Variants in WNT3A observed in about 807,000 individuals in gnomAD.
The protein encoded by WNT3A is protein Wnt-3a.
WNT3A carries 17 observed loss-of-function variants against 37.0 expected under a neutral mutation model. The ratio of observed to expected loss-of-function variants is 0.46; its 90% confidence interval spans 0.31 to 0.69. WNT3A has a LOEUF of 0.69. Ranked by LOEUF, WNT3A falls within the 30% of genes least tolerant of loss-of-function variation. The pLI, the probability that WNT3A is intolerant of heterozygous loss-of-function variation, is 0.05. For synonymous variants in WNT3A, 187 were observed against 211.0 expected, an observed-to-expected ratio of 0.89 and a Z score of 0.99; for missense variants, 411 against 510.2, an observed-to-expected ratio of 0.81 and a Z score of 1.87.
intron 1 of WNT3A, among the ~76,000 whole-genome samples, chr1:228,009,041 G>C (rs1450816068): frequency 6.6e-6 from 1 of 152,152 alleles, no homozygotes; most frequent in Non-Finnish European, 1.5e-5. Context: ...CAGCCCTTTG[G>C]CCACACAGGG....
chr1:228,046,473 C>T (rs1234180487), intron 2 of WNT3A, among the ~76,000 whole-genome samples: 3 of 141,710 alleles, frequency 2.1e-5, no homozygotes, highest in East Asian at 2.2e-4. Flanking sequence ...TTGCACGAGG[C>T]GTGCATGTGG....
Position 228,022,883 on chromosome 1 carries a change from C to G in WNT3A, c.288C>G (p.Ala96=). ...GCACCACCGTCCACGACAGCCTGGC[C>G]ATCTTCGGGCCCGTGCTGGACAAAG... ...WNCTTVHDSL[A]IFGPVLDKAT... Residue 96 remains alanine, a synonymous_variant, in exon 2 of 4, where the codon GCC becomes GCG. Transcript: ENST00000284523. 1 of 1,611,788 alleles carries G rather than the reference C, an allele frequency of 6.2e-7. No individual in the cohort carries two copies. The highest frequency in any genetic ancestry group is 1.1e-5 in the South Asian group (1 of 90,972).
chr1:228,024,069 C>G (rs528897942), intron 2 of WNT3A, among the ~76,000 whole-genome samples: 1 of 152,218 alleles, frequency 6.6e-6, no homozygotes, highest in African/African-American at 2.4e-5. Context: ...CGCATATGAG[C>G]GTGGTCTCCA....
At position 228,050,895 on chromosome 1, in the gene WNT3A, C is replaced by G; in HGVS notation, c.553C>G (p.Arg185Gly). ...NRPDARSAMN[R>G]HNNEAGRQAI... ...GCCAGATGCCCGCTCAGCCATGAAC[C>G]GCCACAACAACGAGGCTGGGCGCCA... is the stretch of plus-strand genomic sequence containing the variant. The change falls in exon 3 of 4, where the codon CGC becomes GGC. Residue 185 changes from arginine (R) to glycine (G), a missense_variant. Arg to Gly is a moderately radical substitution (Grantham distance 125, BLOSUM62 -2). Coordinates refer to ENST00000284523, the MANE Select transcript of WNT3A (RefSeq NM_033131.4). This position sits in a 1 kb window ranked among gnomAD's most constrained non-coding sequence, Gnocchi z 5.0. 1 of 1,554,284 alleles carries G rather than the reference C, an allele frequency of 6.4e-7. No individual in the cohort carries two copies. Among genetic ancestry groups the G allele is most frequent in the Non-Finnish European group, 8.7e-7 (1 of 1,148,354 alleles).
intron 1 of WNT3A, among the ~76,000 whole-genome samples, chr1:228,020,211 A>C (rs2030663105): frequency 6.6e-6 from 1 of 152,244 alleles, no homozygotes; most frequent in Non-Finnish European, 1.5e-5. Flanking sequence ...CAACAGAGCG[A>C]GACTCCGTCT....
chr1:228,060,208 C>G lies in WNT3A; in HGVS notation c.*743C>G, dbSNP rs774764287. 2 of 1,351,646 alleles carry G rather than the reference C, an allele frequency of 1.5e-6. No homozygotes were observed. The highest frequency in any genetic ancestry group is 3.0e-5 in the African/African-American group (2 of 67,692). The allele number at this position is 1,351,646 out of a possible 1,614,324, so 83.7% of individuals were successfully genotyped here. Reference sequence around the variant, plus strand: ...TAAGGCGTGGCTTCTGCAGGAATCCCGGCTCCAGAGCAGGAAATTCAGCCC... The same window carrying G: ...TAAGGCGTGGCTTCTGCAGGAATCCGGGCTCCAGAGCAGGAAATTCAGCCC... On this transcript the variant is annotated 3_prime_UTR_variant, in exon 4 of 4. Transcript: ENST00000284523.
chr1:228,036,310 G>C (rs927527046), intron 2 of WNT3A, among the ~76,000 whole-genome samples: 4 of 152,142 alleles, frequency 2.6e-5, no homozygotes, highest in African/African-American at 9.7e-5. Flanking sequence ...GCATTGTGAG[G>C]GGTGCATGTG....
In WNT3A at chr1:228,023,057, G is replaced by A. The variant is rs185135913; in HGVS notation, c.313+149G>A. On this transcript the variant is annotated intron_variant, in intron 2 of 3. Coordinates refer to ENST00000284523, the MANE Select transcript of WNT3A (RefSeq NM_033131.4). ...CCTTCCCGCTTACCTCCAGGAGGAC[G>A]GTCTGGGGCTGAAGCAGGACTGAGC... 3.1e-5 allele frequency: 40 copies of A among 1,292,968 alleles called. No individual in the cohort carries two copies. In the South Asian group the frequency reaches 4.5e-4, roughly 15 times the overall value. The allele number at this position is 1,292,968 out of a possible 1,614,324, so 80.1% of individuals were successfully genotyped here. A position where few individuals can be genotyped will look rare whatever the true frequency, so the allele number is the denominator to read the frequency against.
rs1226416179 is a variant in WNT3A, at chr1:228,060,965, A to G, written c.*1500A>G. On this transcript the variant is annotated 3_prime_UTR_variant, in exon 4 of 4. Coordinates refer to ENST00000284523, the MANE Select transcript of WNT3A (RefSeq NM_033131.4). Reference sequence around the variant, plus strand: ...GGCCCCTCATGGCGGGACTGGAGAAATGGTCCGCTTTCCTGGAGCCAATGG... The same window carrying G: ...GGCCCCTCATGGCGGGACTGGAGAAGTGGTCCGCTTTCCTGGAGCCAATGG... 6.6e-6 allele frequency: 1 copy of G among 152,516 alleles called. No homozygotes were observed. The highest frequency in any genetic ancestry group is 1.9e-4 in the East Asian group (1 of 5,166). 9.4% of individuals were successfully genotyped at this position (152,516 alleles called of 1,614,324 possible). A position where few individuals can be genotyped will look rare whatever the true frequency, so the allele number is the denominator to read the frequency against.
chr1:228,014,315 T>C (rs1013718197), intron 1 of WNT3A, among the ~76,000 whole-genome samples: 1 of 151,942 alleles, frequency 6.6e-6, no homozygotes, highest in Non-Finnish European at 1.5e-5. Flanking sequence ...AACAAGCGAG[T>C]AACAGGGCCC....
At chr1:228,011,733 C>T (rs1322183407) in intron 1 of WNT3A, among the ~76,000 whole-genome samples, 1 of 152,376 alleles carries the variant, frequency 6.6e-6, no homozygotes, top group South Asian at 2.1e-4. Flanking sequence ...AAATAAAACT[C>T]GTGAAACGAG....
rs1322179807 is a variant in WNT3A, at chr1:228,039,603, G to A, written c.314-11053G>A. On this transcript the variant is annotated intron_variant, in intron 2 of 3. Coordinates refer to ENST00000284523, the MANE Select transcript of WNT3A (RefSeq NM_033131.4). The surrounding 1 kb of genome is among the most constrained non-coding windows in gnomAD (Gnocchi z 4.1). ...CCAGAGGAGGGGTCAGCACGGAATG[G>A]AATCTGAGCTTGGGAGATCTCATCT... Among the ~76,000 whole-genome samples the A allele has an allele frequency of 6.6e-6, 1 of 152,174 alleles. No individual in the cohort carries two copies. The highest frequency in any genetic ancestry group is 1.5e-5 in the Non-Finnish European group (1 of 68,036).
chr1:228,057,912 C>G (rs2031712809), intron 3 of WNT3A, among the ~76,000 whole-genome samples: 1 of 152,216 alleles, frequency 6.6e-6, no homozygotes, highest in Admixed American at 6.5e-5. Flanking sequence ...GCAATCTCCG[C>G]TCACTGCTGC....
intron 1 of WNT3A, among the ~76,000 whole-genome samples, chr1:228,021,372 TG>T (rs1209723512): frequency 6.6e-6 from 1 of 152,234 alleles, no homozygotes; most frequent in Non-Finnish European, 1.5e-5. Context: ...TGTTGGGACC[TG>T]GAAAACGAGG....
At chr1:228,016,872 G>A (rs1437435138) in intron 1 of WNT3A, among the ~76,000 whole-genome samples, 1 of 152,074 alleles carries the variant, frequency 6.6e-6, no homozygotes, top group Non-Finnish European at 1.5e-5. Flanking sequence ...TGAACTCAGA[G>A]GGAGAACTCC....
chr1:228,045,263 G>A (rs1347122596), intron 2 of WNT3A, among the ~76,000 whole-genome samples: 1 of 152,236 alleles, frequency 6.6e-6, no homozygotes, highest in African/African-American at 2.4e-5. Flanking sequence ...GGGAGGGGCT[G>A]GCCTTGGAGA....
In WNT3A at chr1:228,007,142, G is replaced by C. The variant is rs2030218581; in HGVS notation, c.14G>C (p.Gly5Ala). The C allele has an allele frequency of 1.3e-6, 2 of 1,594,760 alleles. No homozygotes were observed. The highest frequency in any genetic ancestry group is 1.7e-6 in the Non-Finnish European group (2 of 1,171,650). Residue 5 changes from glycine to alanine, a missense_variant, in exon 1 of 4, where the codon GGA becomes GCA. Transcript: ENST00000284523. The surrounding 1 kb of genome is among the most constrained non-coding windows in gnomAD (Gnocchi z 6.0). The part of the protein sequence containing the change: MAPL[G>A]YFLLLCSLKQ... ...TCTCGCGCGGCGATGGCCCCACTCG[G>C]ATACTTCTTACTCCTCTGCAGCCTG...
intron 2 of WNT3A, 35 bp downstream of exon 2, chr1:228,022,943 T>C (rs755216256): frequency 1.3e-6 from 2 of 1,573,892 alleles, no homozygotes; most frequent in Non-Finnish European, 1.7e-6. Context: ...CAGATGAGTC[T>C]GGAGTGGGAC....
intron 1 of WNT3A, among the ~76,000 whole-genome samples, chr1:228,011,637 CTA>C (rs1430198599): frequency 6.6e-6 from 1 of 152,230 alleles, no homozygotes; most frequent in Admixed American, 6.5e-5. Context: ...TTCTGTCACT[CTA>C]TCTCTTTTCA....
Sources: gnomAD v4.1 joint callset for allele counts (sites outside exome capture counted in the v4.1 genomes callset) on GRCh38, gnomAD v4.1.1 for gene constraint, Gnocchi (gnomAD v3.1) non-coding constraint, MANE v1.5 for transcripts, NCBI Gene and HGNC (gene_info 2026-07-23, HGNC 2026-07-21) for gene names.